The following PLD1 variants were observed in gnomAD, a reference collection of about 807,000 sequenced individuals.
PLD1 encodes choline phosphatase 1.
A neutral mutation model predicts 137.1 loss-of-function variants in PLD1; 112 were observed. The observed-to-expected ratio is 0.82, with a 90% confidence interval of 0.70 to 0.96. The LOEUF is 0.96. Ranked by LOEUF, PLD1 falls within the 40% of genes least tolerant of loss-of-function variation. PLD1 has a pLI of 0.00. For missense variants in PLD1, 1,321 were observed against 1,342.0 expected, an observed-to-expected ratio of 0.98 and a Z score of 0.24; for synonymous variants, 431 against 454.7, an observed-to-expected ratio of 0.95 and a Z score of 0.66.
chr3:171,727,686 T>C (rs1718636802), intron 6 of PLD1, among the ~76,000 whole-genome samples: 1 of 152,046 alleles, frequency 6.6e-6, no homozygotes, highest in South Asian at 2.1e-4. Context: ...AGTTATAGAA[T>C]AGTGGAGGGC....
At chr3:171,781,404 A>C (rs1436689317) in intron 1 of PLD1, among the ~76,000 whole-genome samples, 3 of 152,158 alleles carry the variant, frequency 2.0e-5, no homozygotes, top group African/African-American at 7.2e-5. Flanking sequence ...TAAAAAGAAA[A>C]AAAAACAGAC....
chr3:171,670,548 G>T (rs1712638752), intron 19 of PLD1, among the ~76,000 whole-genome samples: 1 of 152,112 alleles, frequency 6.6e-6, no homozygotes, highest in African/African-American at 2.4e-5. Context: ...CACTGAGATG[G>T]CAAAAAGCTA....
At chr3:171,717,039 C>T (rs1016713550) in intron 8 of PLD1, among the ~76,000 whole-genome samples, 1 of 152,046 alleles carries the variant, frequency 6.6e-6, no homozygotes. Flanking sequence ...TATTTCTGGG[C>T]TCTATAATTC....
At chr3:171,782,654 C>A (rs1486158331) in intron 1 of PLD1, among the ~76,000 whole-genome samples, 4 of 151,964 alleles carry the variant, frequency 2.6e-5, no homozygotes, top group African/African-American at 9.7e-5. Flanking sequence ...AACTTTCCTG[C>A]ATGTTTGAAA....
chr3:171,661,670 T>C lies in PLD1; in HGVS notation c.2340+390A>G, dbSNP rs573919551. 2.0e-5 allele frequency among the ~76,000 whole-genome samples: 3 copies of C among 152,334 alleles called. No homozygotes were observed. The East Asian group carries it at 5.8e-4, about 29-fold the overall frequency. On this transcript the variant is annotated intron_variant, in intron 20 of 26. Transcript: ENST00000351298. ...CCCAAACCAGTGGCATCCAGTGGTC[T>C]CTATTTTAGCAACTCACCCCTGTGT...
At chr3:171,720,859 C>T (rs1718077600) in intron 8 of PLD1, among the ~76,000 whole-genome samples, 1 of 152,092 alleles carries the variant, frequency 6.6e-6, no homozygotes, top group South Asian at 2.1e-4. Flanking sequence ...GTAACAAAGC[C>T]TTTCCCTCAC....
Position 171,676,779 on chromosome 3 carries a change from G to A in PLD1, c.2051C>T (p.Ala684Val). 2.5e-6 allele frequency: 4 copies of A among 1,614,174 alleles called. No homozygotes were observed. The highest frequency in any genetic ancestry group is 3.4e-6 in the Non-Finnish European group (4 of 1,180,002). The stretch of plus-strand genomic sequence containing the variant: ...ATCACGAGCCGCCTTCCCGTGGACT[G>A]CAGAGGCAATGTCATGCCAGGGCAT... Reference protein sequence around the residue: ...PRMPWHDIASAVHGKAARDVA... With the variant: ...PRMPWHDIASVVHGKAARDVA... The change falls in exon 18 of 27, where the codon GCA (alanine) becomes GTA (valine). Residue 684 changes from alanine to valine, a missense_variant. Ala to Val is a moderately conservative substitution (Grantham distance 64). Transcript: ENST00000351298.
At chr3:171,693,476 T>C (rs549669197) in intron 12 of PLD1, among the ~76,000 whole-genome samples, 1 of 152,180 alleles carries the variant, frequency 6.6e-6, no homozygotes, top group South Asian at 2.1e-4. Context: ...TGCCCACTCA[T>C]GGATCCCCCT....
chr3:171,807,063 T>C (rs568820289), intron 1 of PLD1, among the ~76,000 whole-genome samples: 32 of 152,294 alleles, frequency 2.1e-4, no homozygotes, highest in Admixed American at 3.9e-4. Context: ...ATCCAGCACT[T>C]TGGGAAGCCG....
intron 21 of PLD1, chr3:171,654,127 C>A (rs775035458): frequency 8.4e-6 from 3 of 358,308 alleles, no homozygotes; most frequent in South Asian, 4.0e-5. Flanking sequence ...ATGGTGAAAC[C>A]CCGTCTCCAC....
intron 1 of PLD1, among the ~76,000 whole-genome samples, chr3:171,799,029 C>T (rs1457809448): frequency 6.6e-6 from 1 of 152,046 alleles, no homozygotes; most frequent in African/African-American, 2.4e-5. Flanking sequence ...AATTGTCTGC[C>T]CACAACTTTC....
chr3:171,659,546 C>T (rs1454444359), intron 20 of PLD1, among the ~76,000 whole-genome samples: 3 of 152,148 alleles, frequency 2.0e-5, no homozygotes, highest in African/African-American at 4.8e-5. Context: ...TATTATTTCA[C>T]CATGAGAATT....
At position 171,677,590 on chromosome 3, in the gene PLD1, C is replaced by T; in HGVS notation, c.1972G>A (p.Val658Ile). 1 of 1,614,000 alleles carries T rather than the reference C, an allele frequency of 6.2e-7. No homozygotes were observed. Among genetic ancestry groups the T allele is most frequent in the South Asian group, 1.1e-5 (1 of 91,068 alleles). The change falls in exon 17 of 27, where the codon GTT becomes ATT. Residue 658 changes from valine to isoleucine, a missense_variant. Val to Ile is a conservative substitution (Grantham distance 29). Coordinates refer to ENST00000351298, the MANE Select transcript of PLD1 (RefSeq NM_002662.5). ...CCAGCAAAAGGTTTATCAAGTTGAA[C>T]CCAGTCTTTGAAGACGAAATTGCAG... ...DYCNFVFKDWVQLDKPFADFI... is the reference protein window; with the variant it reads ...DYCNFVFKDWIQLDKPFADFI...
chr3:171,626,681 G>A (rs941413396), intron 23 of PLD1, among the ~76,000 whole-genome samples: 1 of 151,778 alleles, frequency 6.6e-6, no homozygotes, highest in African/African-American at 2.4e-5. Flanking sequence ...AGCCAGAAGA[G>A]AGTGGGGGCC....
chr3:171,638,101 C>T (rs1246674264), intron 23 of PLD1, among the ~76,000 whole-genome samples: 2 of 148,790 alleles, frequency 1.3e-5, no homozygotes, highest in Non-Finnish European at 3.0e-5. Flanking sequence ...AGGAGAATGG[C>T]ATGAACCTGG....
rs1721283424 is a variant in PLD1, at chr3:171,759,977, A to T, written c.-31-21895T>A. Among the ~76,000 whole-genome samples, 3 of 152,220 alleles carry T rather than the reference A, an allele frequency of 2.0e-5. 1 individual carries two copies. In the South Asian group the frequency reaches 6.2e-4, roughly 31 times the overall value. ...TATTTTGCTTGCAAAAGCAAGACTGATATTTCATTGTTGCTACAAAAGGGT... is the reference window on the plus strand; with the variant it reads ...TATTTTGCTTGCAAAAGCAAGACTGTTATTTCATTGTTGCTACAAAAGGGT... On this transcript the variant is annotated intron_variant, in intron 1 of 26. Transcript: ENST00000351298.
In PLD1 at chr3:171,674,551, T is replaced by C. The variant is rs200477884; in HGVS notation, c.2178A>G (p.Thr726=). The change falls in exon 19 of 27, where the codon ACA becomes ACG. Residue 726 remains threonine (T), a synonymous_variant. Coordinates refer to ENST00000351298, the MANE Select transcript of PLD1 (RefSeq NM_002662.5). ...YPFLLPKSQT[T]AHELRYQVPG... ...GCACTTGATATCTCAACTCATGGGC[T>C]GTTGTTTGAGACTTTGGAAGCAGAA... 1 of 1,611,682 alleles carries C rather than the reference T, an allele frequency of 6.2e-7. No homozygotes were observed. The highest frequency in any genetic ancestry group is 1.7e-4 in the Middle Eastern group (1 of 6,054).
chr3:171,641,768 C>A (rs73038081), intron 23 of PLD1, among the ~76,000 whole-genome samples: 5,434 of 152,162 alleles, frequency 0.036, 221 homozygotes, highest in African/African-American at 0.1. Context: ...TACCAGTGCA[C>A]CTTTGTCTCT....
chr3:171,646,647 G>T (rs1428895216), intron 21 of PLD1, among the ~76,000 whole-genome samples: 2 of 150,578 alleles, frequency 1.3e-5, no homozygotes, highest in Admixed American at 6.6e-5. Context: ...ATCCCTAAAT[G>T]GTGAGCAGGA....
Sources: allele counts gnomAD v4.1 joint callset (sites outside exome capture counted in the v4.1 genomes callset), GRCh38; gene constraint gnomAD v4.1.1; transcripts MANE v1.5; gene names NCBI Gene and HGNC (gene_info 2026-07-23, HGNC 2026-07-21).